Variants in GRIA1 observed in about 807,000 individuals in gnomAD.
The protein encoded by GRIA1 is glutamate receptor 1.
Under a neutral mutation model 99.2 loss-of-function variants are expected in GRIA1, and 31 were observed. That is an observed-to-expected ratio of 0.31 (90% CI 0.23 to 0.42). GRIA1 has a LOEUF of 0.42. Ranked by LOEUF, GRIA1 falls within the 10% of genes least tolerant of loss-of-function variation. The pLI, the probability that GRIA1 is intolerant of heterozygous loss-of-function variation, is 1.00. For missense variants in GRIA1, 782 were observed against 1,157.5 expected, an observed-to-expected ratio of 0.68 and a Z score of 4.71; for synonymous variants, 438 against 432.4, an observed-to-expected ratio of 1.01 and a Z score of -0.16.
At chr5:153,505,383 T>C (rs1284673201) in intron 2 of GRIA1, among the ~76,000 whole-genome samples, 1 of 152,224 alleles carries the variant, frequency 6.6e-6, no homozygotes, top group Non-Finnish European at 1.5e-5. Flanking sequence ...GCTTCATTAA[T>C]GTCACATTTG....
chr5:153,624,846 A>G (rs1160122221), intron 2 of GRIA1, among the ~76,000 whole-genome samples: 1 of 152,196 alleles, frequency 6.6e-6, no homozygotes, highest in Non-Finnish European at 1.5e-5. Flanking sequence ...AACATGGAGA[A>G]AGTGTTCTAG....
chr5:153,524,737 T>G (rs759533761), intron 2 of GRIA1, among the ~76,000 whole-genome samples: 39 of 152,338 alleles, frequency 2.6e-4, no homozygotes, highest in African/African-American at 8.9e-4. Flanking sequence ...GCCTTCTGTA[T>G]AGTATTAGCT....
At chr5:153,790,105 G>A (rs1308310418) in intron 13 of GRIA1, among the ~76,000 whole-genome samples, 3 of 152,146 alleles carry the variant, frequency 2.0e-5, no homozygotes, top group African/African-American at 7.2e-5. Flanking sequence ...CTTATTCAGA[G>A]CAAGGCTAAC....
At chr5:153,745,827 G>A (rs1393969822) in intron 11 of GRIA1, among the ~76,000 whole-genome samples, 2 of 152,072 alleles carry the variant, frequency 1.3e-5, no homozygotes, top group Non-Finnish European at 2.9e-5. Context: ...GTCATATAGT[G>A]TATTCTGTTT....
At chr5:153,644,609 A>G (rs1454609965) in intron 2 of GRIA1, among the ~76,000 whole-genome samples, 5 of 152,222 alleles carry the variant, frequency 3.3e-5, no homozygotes, top group East Asian at 1.9e-4. Flanking sequence ...CCACACATAT[A>G]TACAAATAAA....
chr5:153,658,287 C>T (rs926955382), intron 5 of GRIA1, among the ~76,000 whole-genome samples: 3 of 152,116 alleles, frequency 2.0e-5, no homozygotes, highest in African/African-American at 7.2e-5. Flanking sequence ...AAATTGCATG[C>T]CAGTGGCCTT....
At chr5:153,754,729 T>C (rs1341803935) in intron 11 of GRIA1, among the ~76,000 whole-genome samples, 1 of 152,186 alleles carries the variant, frequency 6.6e-6, no homozygotes, top group Non-Finnish European at 1.5e-5. Flanking sequence ...CGGTCCAAAA[T>C]CCAATGTGCA....
At chr5:153,663,385 G>C (rs1446623423) in intron 5 of GRIA1, among the ~76,000 whole-genome samples, 1 of 152,112 alleles carries the variant, frequency 6.6e-6, no homozygotes, top group Non-Finnish European at 1.5e-5. Flanking sequence ...TCTTAGGACT[G>C]GTATTATAAT....
intron 11 of GRIA1, among the ~76,000 whole-genome samples, chr5:153,714,111 G>C (rs34212051): frequency 0.1 from 15,904 of 152,212 alleles, 952 homozygotes; most frequent in Non-Finnish European, 0.12. Context: ...TAGCATAGGA[G>C]TGGAAGTCAG....
intron 11 of GRIA1, among the ~76,000 whole-genome samples, chr5:153,708,445 G>A (rs1759074390): frequency 6.6e-6 from 1 of 152,082 alleles, no homozygotes; most frequent in Non-Finnish European, 1.5e-5. Flanking sequence ...AGAGGAGACT[G>A]AACAACATAT....
intron 11 of GRIA1, among the ~76,000 whole-genome samples, chr5:153,735,662 C>G (rs138309983): frequency 1.3e-5 from 2 of 152,048 alleles, no homozygotes; most frequent in East Asian, 3.9e-4. Context: ...TTACATTAGT[C>G]CAGACAAATA....
chr5:153,792,719 TTCTC>T (rs372097215), intron 13 of GRIA1, among the ~76,000 whole-genome samples: 9 of 151,998 alleles, frequency 5.9e-5, no homozygotes, highest in Non-Finnish European at 1.3e-4. Flanking sequence ...CTGTCTGTCT[TTCTC>T]TCTCTCTCTC....
intron 5 of GRIA1, among the ~76,000 whole-genome samples, chr5:153,669,103 A>G (rs1755964471): frequency 6.6e-6 from 1 of 152,192 alleles, no homozygotes; most frequent in African/African-American, 2.4e-5. Context: ...TCACTCACTC[A>G]TTTATGCAAA....
chr5:153,698,794 C>A, intron 9 of GRIA1, 73 bp from the exon 10 acceptor site: 1 of 941,252 alleles, frequency 1.1e-6, no homozygotes, highest in Non-Finnish European at 1.7e-6. Flanking sequence ...TGATATTATG[C>A]TATGCCAAAG....
At chr5:153,642,616 A>G (rs1178469831) in intron 2 of GRIA1, among the ~76,000 whole-genome samples, 3 of 148,606 alleles carry the variant, frequency 2.0e-5, no homozygotes, top group Non-Finnish European at 4.5e-5. Context: ...AGCCCAGGTG[A>G]CGGAGCCAGA....
intron 3 of GRIA1, 48 bp from the exon 4 acceptor site, chr5:153,650,282 A>C: frequency 6.5e-7 from 1 of 1,543,320 alleles, no homozygotes; most frequent in Non-Finnish European, 8.8e-7. Flanking sequence ...GGTGGTGCCC[A>C]CAAATCCTGA....
chr5:153,727,330 C>G (rs1394262020), intron 11 of GRIA1, among the ~76,000 whole-genome samples: 3 of 152,274 alleles, frequency 2.0e-5, no homozygotes, highest in Admixed American at 6.5e-5. Context: ...TGGCACAAGA[C>G]AGGGATGCCC....
chr5:153,563,823 G>A (rs377250177), intron 2 of GRIA1, among the ~76,000 whole-genome samples: 2 of 152,114 alleles, frequency 1.3e-5, no homozygotes, highest in African/African-American at 4.8e-5. Flanking sequence ...ATCTCAAATT[G>A]TTCTCTTTTC....
intron 13 of GRIA1, among the ~76,000 whole-genome samples, chr5:153,789,170 A>C (rs1473221574): frequency 1.3e-5 from 2 of 152,144 alleles, no homozygotes; most frequent in Non-Finnish European, 2.9e-5. Flanking sequence ...TCATTCTGGT[A>C]ATTGATCTCT....
Sources: gnomAD v4.1 joint callset for allele counts (sites outside exome capture counted in the v4.1 genomes callset) on GRCh38, gnomAD v4.1.1 for gene constraint, MANE v1.5 for transcripts, NCBI Gene and HGNC (gene_info 2026-07-23, HGNC 2026-07-21) for gene names.